The following LRP5 variants were observed in gnomAD, a reference collection of about 807,000 sequenced individuals.
LRP5 encodes the protein LDL receptor related protein 5, also known as low-density lipoprotein receptor-related protein 5.
In LRP5, 62 loss-of-function variants were observed where a neutral mutation model predicts 154.1. The ratio of observed to expected loss-of-function variants is 0.40; its 90% CI spans 0.33 to 0.50. The LOEUF (loss-of-function observed/expected upper bound fraction) is 0.50. Ranked by LOEUF, LRP5 falls within the 20% of genes least tolerant of loss-of-function variation. The pLI, the probability that LRP5 is intolerant of heterozygous loss-of-function variation, is 0.55. For synonymous variants in LRP5, 966 were observed against 1,011.5 expected (o/e 0.96, Z 0.85); for missense variants, 1,915 against 2,336.7 (o/e 0.82, Z 3.72).
chr11:68,418,116 C>T (rs2098663595), intron 13 of LRP5, among the ~76,000 whole-genome samples: 1 of 151,970 alleles, frequency 6.6e-6, no homozygotes. Context: ...GGCTCCTAAG[C>T]AGCCTTCTTT....
At chr11:68,340,163 C>A (rs1368508743) in intron 1 of LRP5, among the ~76,000 whole-genome samples, 1 of 152,132 alleles carries the variant, frequency 6.6e-6, no homozygotes, top group Non-Finnish European at 1.5e-5. Context: ...TCGCTTGAAA[C>A]TGGGAGGCCG....
chr11:68,425,091 C>T lies in LRP5; in HGVS notation c.3237-11C>T. The T allele has an allele frequency of 6.2e-7, 1 of 1,613,114 alleles. No individual in the cohort carries two copies. The highest frequency in any genetic ancestry group is 1.1e-5 in the South Asian group (1 of 91,078). ...CCCCACACCCGTCCTTCACCCGCCA[C>T]CCTCCCGCAGGTACCTGTACTTCAC... On this transcript the variant is annotated splice_polypyrimidine_tract_variant and intron_variant, in intron 14 of 22. Coordinates refer to ENST00000294304, the MANE Select transcript of LRP5 (RefSeq NM_002335.4).
At chr11:68,380,683 A>G (rs558745947) in intron 5 of LRP5, among the ~76,000 whole-genome samples, 11 of 152,078 alleles carry the variant, frequency 7.2e-5, no homozygotes, top group Non-Finnish European at 1.5e-4. Context: ...CGTGTCCTGC[A>G]TGCAGTGGGG....
At chr11:68,444,103 GTCTA>G (rs2098680143) in intron 21 of LRP5, among the ~76,000 whole-genome samples, 1 of 152,308 alleles carries the variant, frequency 6.6e-6, no homozygotes, top group African/African-American at 2.4e-5. Context: ...ATTAGTCGGG[GTCTA>G]TCAGGAGGCA....
chr11:68,300,105 T>A, the LRP5 span, among the ~76,000 whole-genome samples: 3 of 148,402 alleles, frequency 2.0e-5, no homozygotes, highest in Admixed American at 2.0e-4. Flanking sequence ...ATGGTCTCAA[T>A]CTCTTGACCT....
At chr11:68,313,966 A>T (rs116782964) in intron 1 of LRP5, among the ~76,000 whole-genome samples, 3,901 of 152,168 alleles carry the variant, frequency 0.026, 168 homozygotes, top group African/African-American at 0.09. Flanking sequence ...AGTTTGTTTC[A>T]CGTCCTCCTG....
chr11:68,303,228 T>A, the LRP5 span, among the ~76,000 whole-genome samples: 1 of 152,138 alleles, frequency 6.6e-6, no homozygotes, highest in Non-Finnish European at 1.5e-5. Context: ...ACCTCCTGGG[T>A]TCAAGTGATC....
chr11:68,421,845 G>T (rs1591307733), intron 13 of LRP5, among the ~76,000 whole-genome samples: 1 of 151,694 alleles, frequency 6.6e-6, no homozygotes, highest in Non-Finnish European at 1.5e-5. Context: ...GTGTGTGTGT[G>T]TATGGGGGAG....
chr11:68,380,081 C>T (rs1179072888), intron 5 of LRP5, among the ~76,000 whole-genome samples: 2 of 152,190 alleles, frequency 1.3e-5, no homozygotes, highest in Admixed American at 6.5e-5. Flanking sequence ...TACAGTGAGT[C>T]GAGATCGCGC....
chr11:68,366,405 C>A (rs1372532594), intron 5 of LRP5, among the ~76,000 whole-genome samples: 1 of 152,032 alleles, frequency 6.6e-6, no homozygotes, highest in African/African-American at 2.4e-5. Context: ...GAAGGACTCT[C>A]CTGGCATCCG....
At chr11:68,438,706 G>A in intron 20 of LRP5, 24 bp downstream of exon 20, 6 of 1,600,822 alleles carry the variant, frequency 3.7e-6, no homozygotes, top group Non-Finnish European at 5.1e-6. Flanking sequence ...GATATGGAAT[G>A]ATCTGGAGGA....
At chr11:68,300,026 T>C in the LRP5 span, among the ~76,000 whole-genome samples, 1 of 148,598 alleles carries the variant, frequency 6.7e-6, no homozygotes, top group African/African-American at 2.4e-5. Context: ...GCCTCCTAAG[T>C]AGCTAGCCAC....
chr11:68,315,473 C>A (rs796576492), intron 1 of LRP5, among the ~76,000 whole-genome samples: 1 of 152,180 alleles, frequency 6.6e-6, no homozygotes, highest in African/African-American at 2.4e-5. Context: ...CCAGCCTGGC[C>A]GCTTCCTGTG....
At chr11:68,327,196 G>A (rs2098600207) in intron 1 of LRP5, among the ~76,000 whole-genome samples, 1 of 152,228 alleles carries the variant, frequency 6.6e-6, no homozygotes, top group Non-Finnish European at 1.5e-5. Flanking sequence ...CCTCCAGGAC[G>A]GTTCTTGCCC....
At chr11:68,424,091 T>C (rs978959702) in intron 14 of LRP5, among the ~76,000 whole-genome samples, 1 of 152,070 alleles carries the variant, frequency 6.6e-6, no homozygotes, top group Non-Finnish European at 1.5e-5. Flanking sequence ...CCCCCGACGC[T>C]CCCACCTGTT....
chr11:68,372,574 A>G (rs766685416), intron 5 of LRP5, among the ~76,000 whole-genome samples: 17 of 152,100 alleles, frequency 1.1e-4, no homozygotes, highest in Non-Finnish European at 2.2e-4. Context: ...TAGGAAAGTG[A>G]CTTAACCTCT....
chr11:68,439,948 GGA>G, intron 21 of LRP5, 32 bp downstream of exon 21: 2 of 1,491,414 alleles, frequency 1.3e-6, no homozygotes, highest in Non-Finnish European at 1.8e-6. Context: ...GGGCGGGGCG[GGA>G]TGGGGCTGTG....
At chr11:68,323,564 C>T (rs2098597975) in intron 1 of LRP5, among the ~76,000 whole-genome samples, 1 of 152,164 alleles carries the variant, frequency 6.6e-6, no homozygotes, top group African/African-American at 2.4e-5. Flanking sequence ...CAGGCACACA[C>T]CACCAGGCCC....
intron 2 of LRP5, 41 bp from the exon 3 acceptor site, chr11:68,357,607 CAG>C (rs1160474206): frequency 6.3e-7 from 1 of 1,581,338 alleles, no homozygotes; most frequent in South Asian, 1.1e-5. Context: ...AAACAAAAAA[CAG>C]ATCTGTGTTA....
Sources: gnomAD v4.1 joint callset for allele counts (sites outside exome capture counted in the v4.1 genomes callset) on GRCh38, gnomAD v4.1.1 for gene constraint, MANE v1.5 for transcripts, NCBI Gene and HGNC (gene_info 2026-07-23, HGNC 2026-07-21) for gene names.